Variants in PARD3 observed in about 807,000 individuals in gnomAD.
The protein encoded by PARD3 is partitioning defective 3 homolog.
Under a neutral mutation model 155.4 loss-of-function variants are expected in PARD3, and 75 were observed. That is an observed-to-expected ratio of 0.48 (90% confidence interval 0.40 to 0.58). PARD3 has a LOEUF of 0.58. Among genes scored for constraint, PARD3 ranks in the 20% least tolerant of loss-of-function variants. The pLI is 0.00. For synonymous variants in PARD3, 576 were observed against 610.5 expected (o/e 0.94, Z 0.83); for missense variants, 1,642 against 1,721.7 (o/e 0.95, Z 0.82).
intron 23 of PARD3, among the ~76,000 whole-genome samples, chr10:34,124,074 C>A (rs1045342573): frequency 6.6e-6 from 1 of 151,938 alleles, no homozygotes; most frequent in Non-Finnish European, 1.5e-5. Context: ...TGGGTGTGCA[C>A]GTGTATATAT....
At chr10:34,727,231 C>A (rs1237889733) in intron 1 of PARD3, among the ~76,000 whole-genome samples, 2 of 152,172 alleles carry the variant, frequency 1.3e-5, no homozygotes, top group Non-Finnish European at 2.9e-5. Context: ...TGGGTGCCTG[C>A]AAGCCTGAGA....
intron 22 of PARD3, among the ~76,000 whole-genome samples, chr10:34,208,730 A>G (rs1232918760): frequency 6.6e-6 from 1 of 152,120 alleles, no homozygotes. Flanking sequence ...GTCTTTGTGA[A>G]CCTCAAGGAG....
At chr10:34,229,900 T>C (rs180866912) in intron 22 of PARD3, among the ~76,000 whole-genome samples, 1 of 152,266 alleles carries the variant, frequency 6.6e-6, no homozygotes, top group Admixed American at 6.5e-5. Flanking sequence ...TAGTACCTTT[T>C]CTTACATAAA....
chr10:34,470,881 T>C (rs553864213), intron 3 of PARD3, among the ~76,000 whole-genome samples: 2 of 152,306 alleles, frequency 1.3e-5, no homozygotes, highest in Non-Finnish European at 2.9e-5. Context: ...ATTTGAAATG[T>C]TTCCAATACA....
chr10:34,247,734 C>T (rs924134988), intron 22 of PARD3, among the ~76,000 whole-genome samples: 12 of 151,988 alleles, frequency 7.9e-5, no homozygotes, highest in Non-Finnish European at 1.2e-4. Flanking sequence ...ACAACTAATA[C>T]TGGTTACATT....
At chr10:34,502,370 GTGGAC>G (rs2080774610) in intron 3 of PARD3, among the ~76,000 whole-genome samples, 1 of 152,204 alleles carries the variant, frequency 6.6e-6, no homozygotes, top group South Asian at 2.1e-4. Flanking sequence ...AGGAAGGCAA[GTGGAC>G]TCCAGAATCT....
intron 2 of PARD3, among the ~76,000 whole-genome samples, chr10:34,669,578 T>C (rs779329919): frequency 4.6e-5 from 7 of 152,182 alleles, no homozygotes; most frequent in Admixed American, 1.3e-4. Flanking sequence ...TTGTATTCCT[T>C]ACGTTTACAC....
intron 22 of PARD3, among the ~76,000 whole-genome samples, chr10:34,233,344 G>A (rs1404104940): frequency 6.6e-6 from 1 of 151,836 alleles, no homozygotes; most frequent in Non-Finnish European, 1.5e-5. Flanking sequence ...TTTGCTCCTT[G>A]TCGCTTCTGT....
In PARD3 at chr10:34,149,499, T is replaced by G. The variant is rs146333033; in HGVS notation, c.3420-17916A>C. ...TGACAAATGGTCATAATGGGAATAT[T>G]TCTGTGTCTTTGCAAGCTATATTAA... On this transcript the variant is annotated intron_variant, in intron 22 of 24. Transcript: ENST00000374788. Among the ~76,000 whole-genome samples, 3 of 152,272 alleles carry G rather than the reference T, an allele frequency of 2.0e-5. No homozygotes were observed. In the East Asian group the frequency reaches 5.8e-4, roughly 29 times the overall value.
chr10:34,651,680 G>A lies in PARD3; in HGVS notation c.222+44638C>T, dbSNP rs575890703. Among the ~76,000 whole-genome samples the A allele has an allele frequency of 3.9e-4, 60 of 152,272 alleles. 1 individual carries two copies. Among genetic ancestry groups the A allele is most frequent in the African/African-American group, 1.3e-3 (52 of 41,562 alleles). On this transcript the variant is annotated intron_variant, in intron 2 of 24. Coordinates refer to ENST00000374788, the MANE Select transcript of PARD3 (RefSeq NM_001184785.2). ...AATACAGTATGCTGGTAAGAGACCC[G>A]AGCTTTGCAAAAACTGTATCATATT...
At chr10:34,411,737 T>C (rs1845084471) in intron 5 of PARD3, among the ~76,000 whole-genome samples, 1 of 19,728 alleles carries the variant, frequency 5.1e-5, no homozygotes, top group Non-Finnish European at 1.3e-4. Context: ...CATATCTAGA[T>C]AGATAGATAG....
chr10:34,569,566 C>T (rs1369819068), intron 2 of PARD3, among the ~76,000 whole-genome samples: 1 of 151,894 alleles, frequency 6.6e-6, no homozygotes, highest in African/African-American at 2.4e-5. Context: ...TACAGGTGCC[C>T]GCCATCACAC....
chr10:34,337,414 T>C lies in PARD3; in HGVS notation c.2421A>G (p.Pro807=), dbSNP rs747001223. Residue 807 remains proline, a synonymous_variant, in exon 17 of 25, where the codon CCA becomes CCG. Transcript: ENST00000374788. ...ISDSADCSLS[P]DVDPVLAFQR... is the part of the protein sequence containing the mutation. The stretch of plus-strand genomic sequence containing the variant: ...GAAAAGCAAGAACTGGATCAACATC[T>C]GGACTCAAAGAGCTGGAGTGAAGAA... 1 of 1,582,670 alleles carries C rather than the reference T, an allele frequency of 6.3e-7. No individual in the cohort carries two copies. The highest frequency in any genetic ancestry group is 8.6e-7 in the Non-Finnish European group (1 of 1,168,102).
chr10:34,205,076 T>C (rs1951407882), intron 22 of PARD3, among the ~76,000 whole-genome samples: 1 of 152,234 alleles, frequency 6.6e-6, no homozygotes, highest in South Asian at 2.1e-4. Flanking sequence ...AACAACACAC[T>C]GTAAACCTTT....
At chr10:34,751,845 T>C (rs771922914) in intron 1 of PARD3, among the ~76,000 whole-genome samples, 1 of 151,482 alleles carries the variant, frequency 6.6e-6, no homozygotes, top group Non-Finnish European at 1.5e-5. Flanking sequence ...TGGCCTCAAG[T>C]GATCCTCCAG....
intron 3 of PARD3, among the ~76,000 whole-genome samples, chr10:34,492,989 ATT>A (rs765250812): frequency 6.6e-6 from 1 of 152,192 alleles, no homozygotes. Flanking sequence ...AGTGTTTACC[ATT>A]TTTTCTGTCT....
chr10:34,263,389 G>T (rs1955125349), intron 22 of PARD3, among the ~76,000 whole-genome samples: 1 of 151,978 alleles, frequency 6.6e-6, no homozygotes, highest in Admixed American at 6.6e-5. Context: ...GAGCACGGTG[G>T]CTCACGCCTG....
At chr10:34,417,759 C>CTT (rs1163073968) in intron 5 of PARD3, among the ~76,000 whole-genome samples, 2 of 152,148 alleles carry the variant, frequency 1.3e-5, no homozygotes, top group Non-Finnish European at 2.9e-5. Flanking sequence ...TCCACAGGTA[C>CTT]TTTTCAATGT....
intron 2 of PARD3, among the ~76,000 whole-genome samples, chr10:34,644,090 T>G (rs977590177): frequency 2.6e-5 from 4 of 152,198 alleles, no homozygotes; most frequent in African/African-American, 9.7e-5. Flanking sequence ...AACTGTCCAC[T>G]GTGACTGGAT....
Sources: allele counts gnomAD v4.1 joint callset (sites outside exome capture counted in the v4.1 genomes callset), GRCh38; gene constraint gnomAD v4.1.1; transcripts MANE v1.5; gene names NCBI Gene and HGNC (gene_info 2026-07-23, HGNC 2026-07-21).